TRPM4: variants seen among roughly 807,000 people sequenced by gnomAD.
The protein encoded by TRPM4 is transient receptor potential cation channel subfamily M member 4.
A neutral mutation model predicts 135.6 loss-of-function variants in TRPM4; 124 were observed. That is an observed-to-expected ratio of 0.91 (90% CI 0.79 to 1.06). The LOEUF is 1.06. TRPM4 is among the 50% of genes least tolerant of loss of function. The probability of loss-of-function intolerance (pLI) is 0.00; values close to 1 mark genes in which losing one functional copy is unlikely to be tolerated. For missense variants in TRPM4, 1,658 were observed against 1,671.4 expected, an observed-to-expected ratio of 0.99 and a Z score of 0.14; for synonymous variants, 745 against 705.6, an observed-to-expected ratio of 1.06 and a Z score of -0.88.
chr19:49,180,689 C>T (rs979814269), intron 9 of TRPM4, among the ~76,000 whole-genome samples: 8 of 151,966 alleles, frequency 5.3e-5, no homozygotes, highest in African/African-American at 1.7e-4. Context: ...TTAGACACCC[C>T]TCCACCCTGC....
At chr19:49,159,022 T>C (rs537429410) in intron 2 of TRPM4, 6 of 126,316 alleles carry the variant, frequency 4.7e-5, no homozygotes, top group Non-Finnish European at 8.3e-5. Context: ...CCAGGCTTTC[T>C]AGTTTTTTTT....
rs368085218 is a variant in TRPM4, at chr19:49,183,411, T to G, written c.1743+199T>G. 1.1e-3 allele frequency among the ~76,000 whole-genome samples: 160 copies of G among 152,312 alleles called. 1 individual carries two copies. The highest frequency in any genetic ancestry group is 3.6e-3 in the African/African-American group (148 of 41,564). On this transcript the variant is annotated intron_variant, in intron 12 of 24. Transcript: ENST00000252826. ...TCATGCATTATTTTATGTGTTTATT[T>G]TTTGAGACAGAGTCTCGCTCTGTCG...
rs1195995425 is a variant in TRPM4 at position 49,168,047 on chromosome 19, G to C, written c.398G>C (p.Trp133Ser). ...TCGGGGGGCCCCGTCCTCCAGACCT[G>C]GCTGCAGGACCTGCTGCGTCGTGGG... ...GGSGGPVLQT[W>S]LQDLLRRGLV... is the part of the protein sequence containing the mutation. The change falls in exon 4 of 25, where the codon TGG becomes TCG. Residue 133 changes from tryptophan to serine, a missense_variant. Physicochemically the swap from Trp to Ser is radical, Grantham distance 177. Transcript: ENST00000252826. 6.2e-7 allele frequency: 1 copy of C among 1,612,274 alleles called. No individual in the cohort carries two copies. The highest frequency in any genetic ancestry group is 2.2e-5 in the East Asian group (1 of 44,900).
intron 10 of TRPM4, 150 bp from the exon 11 acceptor site, chr19:49,182,428 C>T (rs1487198646): frequency 1.4e-6 from 1 of 708,748 alleles, no homozygotes; most frequent in African/African-American, 1.8e-5. Context: ...ATCCATCTAC[C>T]TATCCATTCA....
intron 16 of TRPM4, among the ~76,000 whole-genome samples, chr19:49,191,482 A>T (rs377719128): frequency 6.6e-6 from 1 of 151,940 alleles, no homozygotes; most frequent in East Asian, 1.9e-4. Flanking sequence ...CTGGGATTAC[A>T]GGTGTGAGCC....
intron 2 of TRPM4, among the ~76,000 whole-genome samples, chr19:49,163,779 G>A (rs112595387): frequency 0.018 from 2,731 of 152,290 alleles, 81 homozygotes; most frequent in African/African-American, 0.056. Context: ...GTGCCCAGCC[G>A]TCCTTGAAGT....
At chr19:49,201,692 G>A (rs1968939038) in intron 19 of TRPM4, among the ~76,000 whole-genome samples, 1 of 152,168 alleles carries the variant, frequency 6.6e-6, no homozygotes, top group Non-Finnish European at 1.5e-5. Context: ...CCACCTCCCA[G>A]ATCGAAGCGA....
chr19:49,177,202 G>T (rs1688708883), intron 9 of TRPM4, among the ~76,000 whole-genome samples: 1 of 152,140 alleles, frequency 6.6e-6, no homozygotes, highest in African/African-American at 2.4e-5. Context: ...GGGTGGTGTT[G>T]TAAGCCCAGC....
Position 49,211,625 on chromosome 19 carries a change from C to T in TRPM4, c.*127C>T. On this transcript the variant is annotated 3_prime_UTR_variant, in exon 25 of 25. Coordinates refer to ENST00000252826, the MANE Select transcript of TRPM4 (RefSeq NM_017636.4). The surrounding 1 kb of genome is among the most constrained non-coding windows in gnomAD (Gnocchi z 4.8). ...GAGGTGAGCCCCATGTCCATCTGGG[C>T]CACTGTCAGGACCACCTTTGGGAGT... The T allele has an allele frequency of 1.6e-6, 2 of 1,243,820 alleles. No homozygotes were observed. The highest frequency in any genetic ancestry group is 2.3e-6 in the Non-Finnish European group (2 of 851,700). 77.0% of individuals were successfully genotyped at this position (1,243,820 alleles called of 1,614,324 possible).
chr19:49,200,423 G>C lies in TRPM4; in HGVS notation c.2769G>C (p.Val923=), dbSNP rs1038658420. 1 of 1,609,184 alleles carries C rather than the reference G, an allele frequency of 6.2e-7. No individual in the cohort carries two copies. Among genetic ancestry groups the C allele is most frequent in the Non-Finnish European group, 8.5e-7 (1 of 1,177,606 alleles). The change falls in exon 18 of 25, where the codon GTG becomes GTC. Residue 923 remains valine, a synonymous_variant. Transcript: ENST00000252826. ...NKQLGPKIVI[V]SKMMKDVFFF... ...AGCTGGGGCCCAAGATCGTCATCGT[G>C]AGCAAGATGGTGAGGCAGGGGCGGG... is the stretch of plus-strand genomic sequence containing the variant.
chr19:49,190,177 T>C, intron 14 of TRPM4, 31 bp from the exon 15 acceptor site: 1 of 1,589,820 alleles, frequency 6.3e-7, no homozygotes. Flanking sequence ...GTGGGGGAGA[T>C]TTGGATCCTA....
rs1368982955 is a variant in TRPM4, at chr19:49,158,250, C to T, written c.83C>T (p.Thr28Ile). 1.2e-6 allele frequency: 2 copies of T among 1,613,898 alleles called. No homozygotes were observed. Among genetic ancestry groups the T allele is most frequent in the Non-Finnish European group, 1.7e-6 (2 of 1,179,950 alleles). Residue 28 changes from threonine to isoleucine, a missense_variant, in exon 2 of 25, where the codon ACA becomes ATA. By Grantham distance (89) the Thr-to-Ile change is moderately conservative. This residue lies in a region of TRPM4 where 239 missense variants were observed against 240.1 expected (regional missense o/e 1.00). Coordinates refer to ENST00000252826, the MANE Select transcript of TRPM4 (RefSeq NM_017636.4). ...TGCACGACGTTCATAGTTGACTCCA[C>T]AGATCCGGGGTGAGGAGTTCGCCCC... ...KTCTTFIVDSTDPGGTLCQCG... is the reference protein window; with the variant it reads ...KTCTTFIVDSIDPGGTLCQCG...
intron 17 of TRPM4, among the ~76,000 whole-genome samples, chr19:49,197,354 TTC>T (rs930441372): frequency 9.6e-6 from 1 of 104,324 alleles, no homozygotes. Flanking sequence ...CTTTCTTTCT[TTC>T]TTTCTTTCTC....
chr19:49,198,910 T>A lies in TRPM4; in HGVS notation c.2646-1390T>A, dbSNP rs553978851. Among the ~76,000 whole-genome samples the A allele has an allele frequency of 2.0e-5, 3 of 152,250 alleles. No homozygotes were observed. In the East Asian group the frequency reaches 5.8e-4, roughly 29 times the overall value. ...TACTATGCTCAGCCTTCTGTTTTTT[T>A]ATTATTCCAAAATAATAAAAGTTTA... is the stretch of plus-strand genomic sequence containing the variant. On this transcript the variant is annotated intron_variant, in intron 17 of 24. Transcript: ENST00000252826.
intron 15 of TRPM4, among the ~76,000 whole-genome samples, 166 bp downstream of exon 15, chr19:49,190,486 G>A (rs949344013): frequency 1.6e-5 from 2 of 125,764 alleles, no homozygotes; most frequent in East Asian, 5.7e-4. Flanking sequence ...GGTGAGTTTT[G>A]GGGGGGATCC....
chr19:49,200,329 G>A lies in TRPM4; in HGVS notation c.2675G>A (p.Arg892His), dbSNP rs866510018. The A allele has an allele frequency of 4.3e-6, 7 of 1,614,014 alleles. No individual in the cohort carries two copies. In the Middle Eastern group the frequency reaches 4.9e-4, roughly 114 times the overall value. Residue 892 changes from arginine (R) to histidine (H), a missense_variant, in exon 18 of 25, where the codon CGC (arginine) becomes CAC (histidine). Physicochemically the swap from Arg to His is conservative, Grantham distance 29 (BLOSUM62 0). This residue lies in a region of TRPM4 where 1,412 missense variants were observed against 1,408.7 expected (regional missense o/e 1.00). Transcript: ENST00000252826. The stretch of plus-strand genomic sequence containing the variant: ...ACCCCGGGTTTGTACCACCTGGGCC[G>A]CACTGTCCTCTGCATCGACTTCATG... ...RLTPGLYHLG[R>H]TVLCIDFMVF... is the part of the protein sequence containing the mutation.
At chr19:49,174,543 T>C (rs915608210) in intron 9 of TRPM4, among the ~76,000 whole-genome samples, 6 of 151,910 alleles carry the variant, frequency 3.9e-5, no homozygotes, top group Non-Finnish European at 8.8e-5. Flanking sequence ...GGAAGATCGC[T>C]TGAGCCCAGG....
At chr19:49,204,704 A>AT (rs200200732) in intron 20 of TRPM4, among the ~76,000 whole-genome samples, 2,356 of 150,942 alleles carry the variant, frequency 0.016, 78 homozygotes, top group African/African-American at 0.055. Context: ...TTGTTTTTTT[A>AT]ATTTTTTTTT....
rs1189590755 is a variant in TRPM4 at position 49,200,619 on chromosome 19, C to T, written c.2787C>T (p.Asp929=). The T allele has an allele frequency of 3.1e-6, 5 of 1,613,006 alleles. No homozygotes were observed. Among genetic ancestry groups the T allele is most frequent in the African/African-American group, 1.3e-5 (1 of 74,904 alleles). Residue 929 remains aspartate, a synonymous_variant, in exon 19 of 25, where the codon GAC becomes GAT. Coordinates refer to ENST00000252826, the MANE Select transcript of TRPM4 (RefSeq NM_017636.4). ...KIVIVSKMMK[D]VFFFLFFLGV... ...GCCACATCTCCCCACAGATGAAGGACGTGTTCTTCTTCCTCTTCTTCCTCG... is the reference window on the plus strand; with the variant it reads ...GCCACATCTCCCCACAGATGAAGGATGTGTTCTTCTTCCTCTTCTTCCTCG...
Sources: allele counts gnomAD v4.1 joint callset (sites outside exome capture counted in the v4.1 genomes callset), GRCh38; gene constraint gnomAD v4.1.1; regional missense constraint gnomAD v4.1.1; non-coding constraint Gnocchi (gnomAD v3.1); transcripts MANE v1.5; gene names NCBI Gene and HGNC (gene_info 2026-07-23, HGNC 2026-07-21).